Variants in SFPQ observed in about 807,000 individuals in gnomAD.
The protein encoded by SFPQ is splicing factor proline and glutamine rich.
In SFPQ, 11 loss-of-function variants were observed where a neutral mutation model predicts 72.9. The ratio of observed to expected loss-of-function variants is 0.15; its 90% CI spans 0.09 to 0.25. The LOEUF (loss-of-function observed/expected upper bound fraction) is 0.25. SFPQ is among the 10% of genes least tolerant of loss of function. The probability of loss-of-function intolerance (pLI) is 1.00; values close to 1 mark genes in which losing one functional copy is unlikely to be tolerated. For missense variants in SFPQ, 847 were observed against 993.3 expected (o/e 0.85, Z 1.98); for synonymous variants, 506 against 367.3 (o/e 1.38, Z -4.32).
At position 35,190,899 on chromosome 1, in the gene SFPQ, C is replaced by T; in HGVS notation, c.1114G>A (p.Ala372Thr). Residue 372 changes from alanine (A) to threonine (T), a missense_variant, in exon 3 of 10, where the codon GCC becomes ACC. By Grantham distance (58) the Ala-to-Thr change is moderately conservative. Coordinates refer to ENST00000357214, the MANE Select transcript of SFPQ (RefSeq NM_005066.3). ...LRVRFATHAA[A>T]LSVRNLSPYV... ...GGTGAAAGATTACGAACAGAAAGGGCAGCAGCATGTGTGGCAAAGCGAACT... is the reference window on the plus strand; with the variant it reads ...GGTGAAAGATTACGAACAGAAAGGGTAGCAGCATGTGTGGCAAAGCGAACT... The T allele has an allele frequency of 6.2e-7, 1 of 1,614,156 alleles. No homozygotes were observed. The highest frequency in any genetic ancestry group is 8.5e-7 in the Non-Finnish European group (1 of 1,180,012).
chr1:35,187,280 C>T (rs1350700547), intron 7 of SFPQ, 29 bp from the exon 8 acceptor site: 2 of 1,603,666 alleles, frequency 1.2e-6, no homozygotes, highest in Admixed American at 3.3e-5. Flanking sequence ...TTTCAATATA[C>T]CTGCACTATA....
intron 7 of SFPQ, among the ~76,000 whole-genome samples, chr1:35,187,707 G>A (rs550257660): frequency 6.6e-6 from 1 of 151,528 alleles, no homozygotes; most frequent in African/African-American, 2.4e-5. Context: ...CTCCAGCCTG[G>A]GTGACAAGAG....
chr1:35,187,323 T>TA, intron 7 of SFPQ, 72 bp from the exon 8 acceptor site: 1 of 1,332,738 alleles, frequency 7.5e-7, no homozygotes, highest in Non-Finnish European at 1.1e-6. Flanking sequence ...ACTGAGAAAT[T>TA]TTCAAGAGTT....
Position 35,189,331 on chromosome 1 carries a change from T to C in SFPQ, c.1467A>G (p.Glu489=). 6.2e-7 allele frequency: 1 copy of C among 1,614,234 alleles called. No homozygotes were observed. Among genetic ancestry groups the C allele is most frequent in the African/African-American group, 1.3e-5 (1 of 75,070 alleles). Residue 489 remains glutamate, a synonymous_variant, in exon 5 of 10, where the codon GAA becomes GAG. Transcript: ENST00000357214. ...CCAAAGACTTCCATCGCTGAGAATATTCGTACTCAAACGTGCCATGCTGGG... is the reference window on the plus strand; with the variant it reads ...CCAAAGACTTCCATCGCTGAGAATACTCGTACTCAAACGTGCCATGCTGGG... The part of the protein sequence containing the change: ...RFAQHGTFEY[E]YSQRWKSLDE...
downstream of SFPQ, chr1:35,179,106 T>C: frequency 9.5e-7 from 1 of 1,057,570 alleles, no homozygotes; most frequent in Non-Finnish European, 1.1e-6. Flanking sequence ...CACTAAAACA[T>C]TATCAGCTAA....
Position 35,184,233 on chromosome 1 carries a change from A to T in SFPQ, c.*223T>A. The stretch of plus-strand genomic sequence containing the variant: ...ATAAACTTGAGGGACATTATACAGT[A>T]AAAAAGAAAAAATAAAGAAATAAAA... On this transcript the variant is annotated 3_prime_UTR_variant, in exon 10 of 10. Coordinates refer to ENST00000357214, the MANE Select transcript of SFPQ (RefSeq NM_005066.3). The T allele has an allele frequency of 7.6e-7, 1 of 1,308,364 alleles. No homozygotes were observed. Among genetic ancestry groups the T allele is most frequent in the South Asian group, 2.0e-5 (1 of 50,438 alleles). 81.0% of individuals were successfully genotyped at this position (1,308,364 alleles called of 1,614,324 possible).
At chr1:35,180,384 T>C, downstream of SFPQ, 2 of 1,043,266 alleles carry the variant, frequency 1.9e-6, no homozygotes, top group Non-Finnish European at 2.3e-6. Context: ...GGGAACCAAA[T>C]TCAAAAAGCT....
chr1:35,188,964 A>C (rs1394155163), intron 6 of SFPQ, 39 bp downstream of exon 6: 7 of 1,543,784 alleles, frequency 4.5e-6, no homozygotes, highest in Non-Finnish European at 4.5e-6. Flanking sequence ...TTTCAAAGAA[A>C]AAAATAAATG....
rs1205913533 is a variant in SFPQ, at chr1:35,192,803, G to C, written c.247C>G (p.Pro83Ala). 6.7e-7 allele frequency: 1 copy of C among 1,501,506 alleles called. No individual in the cohort carries two copies. Among genetic ancestry groups the C allele is most frequent in the Admixed American group, 2.2e-5 (1 of 45,312 alleles). The allele number at this position is 1,501,506 out of a possible 1,614,324, so 93.0% of individuals were successfully genotyped here. ...PPQQPPPQQPPPHQPPPHPQP... is the reference protein window; with the variant it reads ...PPQQPPPQQPAPHQPPPHPQP... Reference sequence around the variant, plus strand: ...GGATGCGGCGGCGGCTGATGCGGTGGCGGCTGCTGCGGCGGTGGCTGCTGC... The same window carrying C: ...GGATGCGGCGGCGGCTGATGCGGTGCCGGCTGCTGCGGCGGTGGCTGCTGC... The change falls in exon 1 of 10, where the codon CCA becomes GCA. Residue 83 changes from proline (P) to alanine (A), a missense_variant. Physicochemically the swap from Pro to Ala is conservative, Grantham distance 27. Around this residue, in one of 6 missense-constraint regions of SFPQ, gnomAD observed 498 missense variants for 405.1 expected, o/e 1.23. Coordinates refer to ENST00000357214, the MANE Select transcript of SFPQ (RefSeq NM_005066.3).
rs1639582168 is a variant in SFPQ, at chr1:35,183,798, C to T, written c.*658G>A. 1 of 1,055,192 alleles carries T rather than the reference C, an allele frequency of 9.5e-7. No individual in the cohort carries two copies. The highest frequency in any genetic ancestry group is 5.3e-5 in the East Asian group (1 of 18,798). The allele number at this position is 1,055,192 out of a possible 1,614,324, so 65.4% of individuals were successfully genotyped here. On this transcript the variant is annotated 3_prime_UTR_variant, in exon 10 of 10. Coordinates refer to ENST00000357214, the MANE Select transcript of SFPQ (RefSeq NM_005066.3). ...TAATCAAACCCACTTTCACCCCCTA[C>T]CAATTGTCTTACACCCATTCCACAA... is the stretch of plus-strand genomic sequence containing the variant.
intron 6 of SFPQ, among the ~76,000 whole-genome samples, chr1:35,188,541 GGGT>G (rs1458141633): frequency 6.6e-6 from 1 of 152,198 alleles, no homozygotes; most frequent in Non-Finnish European, 1.5e-5. Context: ...AATTAGCTGG[GGGT>G]GGTGGCCTGT....
chr1:35,180,443 T>C, downstream of SFPQ: 1 of 1,049,370 alleles, frequency 9.5e-7, no homozygotes, highest in Non-Finnish European at 1.2e-6. Context: ...GTCTTATGAT[T>C]GGGAATGATT....
intron 5 of SFPQ, among the ~76,000 whole-genome samples, chr1:35,177,003 G>A (rs1464390693): frequency 3.9e-5 from 6 of 152,090 alleles, no homozygotes; most frequent in Non-Finnish European, 7.4e-5. Flanking sequence ...ATCACCTGAG[G>A]TCAGGAGTTT....
downstream of SFPQ, chr1:35,179,568 G>C (rs1369339288): frequency 6.7e-6 from 7 of 1,052,134 alleles, no homozygotes; most frequent in Non-Finnish European, 6.9e-6. Flanking sequence ...AGCTTTTTGA[G>C]TTTTTTAAAA....
downstream of SFPQ, chr1:35,182,123 G>C: frequency 2.0e-6 from 2 of 985,310 alleles, no homozygotes; most frequent in South Asian, 9.4e-5. Flanking sequence ...AAAATAAACT[G>C]AAACATTAAT....
At chr1:35,177,963 G>C, downstream of SFPQ, 1 of 1,150,834 alleles carries the variant, frequency 8.7e-7, no homozygotes, top group Non-Finnish European at 1.1e-6. Context: ...AGCCTGTAGG[G>C]GTTAAGATTT....
chr1:35,191,212 A>G (rs907590622), intron 2 of SFPQ, 129 bp downstream of exon 2: 1 of 889,074 alleles, frequency 1.1e-6, no homozygotes, highest in South Asian at 1.6e-5. Flanking sequence ...TTTTTCCTGT[A>G]AGAATGGTGA....
At chr1:35,192,149 CGCGGGG>C (rs1321044706) in intron 1 of SFPQ, 67 bp downstream of exon 1, 4 of 1,206,014 alleles carry the variant, frequency 3.3e-6, no homozygotes, top group Non-Finnish European at 4.2e-6. Context: ...GGAAGCCCAG[CGCGGGG>C]GCGGGGGCGA....
At chr1:35,191,063 G>A (rs11264115) in intron 2 of SFPQ, 68 bp from the exon 3 acceptor site, 128,931 of 1,352,506 alleles carry the variant, frequency 0.095, 27,502 homozygotes, top group East Asian at 0.69. Flanking sequence ...AATTGTCATA[G>A]GCCTACTTCC....
Sources: allele counts gnomAD v4.1 joint callset (sites outside exome capture counted in the v4.1 genomes callset), GRCh38; gene constraint gnomAD v4.1.1; regional missense constraint gnomAD v4.1.1; transcripts MANE v1.5; gene names NCBI Gene and HGNC (gene_info 2026-07-23, HGNC 2026-07-21).